Variants in RPS6KB1 observed in about 807,000 individuals in gnomAD.
The protein encoded by RPS6KB1 is ribosomal protein S6 kinase B1.
In RPS6KB1, 12 loss-of-function variants were observed where a neutral mutation model predicts 70.2. The ratio of observed to expected loss-of-function variants is 0.17; its 90% CI spans 0.11 to 0.28. The LOEUF is 0.28. RPS6KB1 is among the 10% of genes least tolerant of loss of function. RPS6KB1 has a pLI of 1.00. For missense variants in RPS6KB1, 270 were observed against 646.6 expected, an observed-to-expected ratio of 0.42 and a Z score of 6.32; for synonymous variants, 175 against 211.2, an observed-to-expected ratio of 0.83 and a Z score of 1.49.
chr17:59,922,155 C>T (rs2043303591), intron 4 of RPS6KB1, among the ~76,000 whole-genome samples: 1 of 151,802 alleles, frequency 6.6e-6, no homozygotes, highest in South Asian at 2.1e-4. Context: ...ATTCTCCTGC[C>T]TCAGCCCCAC....
intron 4 of RPS6KB1, among the ~76,000 whole-genome samples, chr17:59,925,485 A>G (rs2043551877): frequency 6.6e-6 from 1 of 152,138 alleles, no homozygotes; most frequent in African/African-American, 2.4e-5. Flanking sequence ...ATTATGTATT[A>G]GCCTTTCATT....
chr17:59,914,498 G>C (rs1023302488), intron 3 of RPS6KB1, 137 bp from the exon 4 acceptor site: 3 of 712,208 alleles, frequency 4.2e-6, no homozygotes, highest in Non-Finnish European at 7.5e-6. Context: ...AATGTGGTCT[G>C]TTCTTTTAGC....
intron 1 of RPS6KB1, among the ~76,000 whole-genome samples, chr17:59,898,523 G>A (rs927078366): frequency 1.3e-5 from 2 of 151,532 alleles, no homozygotes; most frequent in African/African-American, 4.9e-5. Flanking sequence ...GTGCGATCTC[G>A]GCTCACTGCA....
chr17:59,925,679 A>G (rs1435693055), intron 4 of RPS6KB1, among the ~76,000 whole-genome samples: 2 of 152,058 alleles, frequency 1.3e-5, no homozygotes, highest in Non-Finnish European at 2.9e-5. Flanking sequence ...GCCTTTGCCT[A>G]CTTCTCTAGC....
In RPS6KB1 at chr17:59,948,963, T is replaced by C. The variant is rs1316536306; in HGVS notation, c.*2175T>C. The stretch of plus-strand genomic sequence containing the variant: ...CCTGACCAAATTCCAGTGAAACTTA[T>C]ACACCAAAATATTCTTCCTAGGTCC... On this transcript the variant is annotated 3_prime_UTR_variant, in exon 15 of 15. Coordinates refer to ENST00000225577, the MANE Select transcript of RPS6KB1 (RefSeq NM_003161.4). The C allele has an allele frequency of 6.6e-6, 1 of 152,624 alleles. No individual in the cohort carries two copies. The highest frequency in any genetic ancestry group is 2.4e-5 in the African/African-American group (1 of 41,458). 9.5% of individuals were successfully genotyped at this position (152,624 alleles called of 1,614,324 possible).
chr17:59,919,592 C>T (rs376034833), intron 4 of RPS6KB1, among the ~76,000 whole-genome samples: 2 of 151,858 alleles, frequency 1.3e-5, no homozygotes, highest in South Asian at 4.2e-4. Context: ...GAGATCTTAC[C>T]TCTCAACACG....
intron 4 of RPS6KB1, among the ~76,000 whole-genome samples, chr17:59,922,941 A>G (rs968685202): frequency 6.7e-6 from 1 of 148,364 alleles, no homozygotes; most frequent in African/African-American, 2.5e-5. Context: ...GTCTTGGCTC[A>G]CTGCAACCTC....
Position 59,946,872 on chromosome 17 carries a change from A to T in RPS6KB1, c.*84A>T, listed in dbSNP as rs1402545931. ...ATCCTGCAAGGTGAAACGACTCAAA[A>T]TGACAGTTTCAGAGAGTCAATGTCA... On this transcript the variant is annotated 3_prime_UTR_variant, in exon 15 of 15. Transcript: ENST00000225577. The surrounding 1 kb of genome is among the most constrained non-coding windows in gnomAD (Gnocchi z 4.2). 3 of 1,587,236 alleles carry T rather than the reference A, an allele frequency of 1.9e-6. No homozygotes were observed. The highest frequency in any genetic ancestry group is 2.6e-6 in the Non-Finnish European group (3 of 1,164,188).
At position 59,946,516 on chromosome 17, in the gene RPS6KB1, A is replaced by T; in HGVS notation, c.1341-35A>T. 6.7e-7 allele frequency: 1 copy of T among 1,495,940 alleles called. No individual in the cohort carries two copies. The highest frequency in any genetic ancestry group is 9.3e-7 in the Non-Finnish European group (1 of 1,072,412). 92.7% of individuals were successfully genotyped at this position (1,495,940 alleles called of 1,614,324 possible). On this transcript the variant is annotated intron_variant, in intron 14 of 14. Coordinates refer to ENST00000225577, the MANE Select transcript of RPS6KB1 (RefSeq NM_003161.4). This position sits in a 1 kb window ranked among gnomAD's most constrained non-coding sequence, Gnocchi z 4.2. ...AATATGTCTTGTTGAGATGACCCTTAAGCAAATGAATGATAGCTCTTCCTT... is the reference window on the plus strand; with the variant it reads ...AATATGTCTTGTTGAGATGACCCTTTAGCAAATGAATGATAGCTCTTCCTT...
In RPS6KB1 at chr17:59,947,699, G is replaced by A. The variant is rs1199032249; in HGVS notation, c.*911G>A. The A allele has an allele frequency of 1.4e-5, 10 of 725,496 alleles. No homozygotes were observed. The highest frequency in any genetic ancestry group is 2.5e-5 in the Non-Finnish European group (10 of 403,350). The allele number at this position is 725,496 out of a possible 1,614,324, so 44.9% of individuals were successfully genotyped here. A position where few individuals can be genotyped will look rare whatever the true frequency, so the allele number is the denominator to read the frequency against. The stretch of plus-strand genomic sequence containing the variant: ...GCACTGGAAAAAAAAATCGCCACCT[G>A]TTCTTACACCAGTATTTGGTTCAAG... On this transcript the variant is annotated 3_prime_UTR_variant, in exon 15 of 15. Transcript: ENST00000225577.
chr17:59,947,258 C>T lies in RPS6KB1; in HGVS notation c.*470C>T. On this transcript the variant is annotated 3_prime_UTR_variant, in exon 15 of 15. Transcript: ENST00000225577. ...AAAATGGAAGCAAAGACAAAAGAAA[C>T]TTACCAATTGATGTTTTACGTGCAA... The T allele has an allele frequency of 2.9e-6, 3 of 1,028,672 alleles. No individual in the cohort carries two copies. Among genetic ancestry groups the T allele is most frequent in the Non-Finnish European group, 3.5e-6 (3 of 856,558 alleles). The allele number at this position is 1,028,672 out of a possible 1,614,324, so 63.7% of individuals were successfully genotyped here. A position where few individuals can be genotyped will look rare whatever the true frequency, so the allele number is the denominator to read the frequency against.
At chr17:59,920,524 G>A (rs547357242) in intron 4 of RPS6KB1, among the ~76,000 whole-genome samples, 1 of 152,294 alleles carries the variant, frequency 6.6e-6, no homozygotes, top group East Asian at 1.9e-4. Context: ...AAGCCATCTA[G>A]CTATTCTTCA....
Position 59,893,705 on chromosome 17 carries a change from G to A in RPS6KB1, c.141+380G>A, listed in dbSNP as rs547506452. The A allele has an allele frequency of 1.1e-6, 1 of 888,446 alleles. No individual in the cohort carries two copies. Among genetic ancestry groups the A allele is most frequent in the Non-Finnish European group, 1.4e-6 (1 of 730,124 alleles). The allele number at this position is 888,446 out of a possible 1,614,324, so 55.0% of individuals were successfully genotyped here. On this transcript the variant is annotated intron_variant, in intron 1 of 14. Transcript: ENST00000225577. The surrounding 1 kb of genome is among the most constrained non-coding windows in gnomAD (Gnocchi z 4.1). ...GTCCCGTAAGTGCAGGCGAAGTGTG[G>A]AGGGTTTCCCTTCGAGTCTAGAATT...
intron 4 of RPS6KB1, among the ~76,000 whole-genome samples, chr17:59,922,908 C>G (rs1487481233): frequency 6.7e-6 from 1 of 148,526 alleles, no homozygotes; most frequent in African/African-American, 2.5e-5. Flanking sequence ...ACTCTGGTGC[C>G]CAGGCTGGAG....
At chr17:59,919,681 G>A (rs756199342) in intron 4 of RPS6KB1, among the ~76,000 whole-genome samples, 1 of 150,700 alleles carries the variant, frequency 6.6e-6, no homozygotes, top group Non-Finnish European at 1.5e-5. Flanking sequence ...TTTTTGTCCC[G>A]GGGAATTTAA....
chr17:59,912,777 G>C lies in RPS6KB1; in HGVS notation c.285G>C (p.Arg95=), dbSNP rs2144795551. Reference sequence around the variant, plus strand: ...GACCAGAATGTTTTGAGCTACTTCGGGTACTTGGTAAAGGGGGCTATGGAA... The same window carrying C: ...GACCAGAATGTTTTGAGCTACTTCGCGTACTTGGTAAAGGGGGCTATGGAA... The part of the protein sequence containing the change: ...KIRPECFELL[R]VLGKGGYGKV... Residue 95 remains arginine, a synonymous_variant, in exon 3 of 15, where the codon CGG becomes CGC. Transcript: ENST00000225577. 1 of 1,614,024 alleles carries C rather than the reference G, an allele frequency of 6.2e-7. No homozygotes were observed. The highest frequency in any genetic ancestry group is 8.5e-7 in the Non-Finnish European group (1 of 1,179,992).
Position 59,949,472 on chromosome 17 carries a change from C to G in RPS6KB1, c.*2684C>G, listed in dbSNP as rs1346397304. The G allele has an allele frequency of 2.0e-5, 3 of 152,256 alleles. No individual in the cohort carries two copies. The allele number at this position is 152,256 out of a possible 1,614,324, so 9.4% of individuals were successfully genotyped here. ...TTATTTTCTTTAAAATCAGCTATTA[C>G]AGGATATTTTTTTATTTTATACATG... On this transcript the variant is annotated 3_prime_UTR_variant, in exon 15 of 15. Transcript: ENST00000225577.
intron 1 of RPS6KB1, among the ~76,000 whole-genome samples, chr17:59,908,988 G>C (rs1292587932): frequency 6.8e-6 from 1 of 146,008 alleles, no homozygotes; most frequent in African/African-American, 2.5e-5. Context: ...GTGCAATGGC[G>C]CGATCTCGGC....
intron 13 of RPS6KB1, among the ~76,000 whole-genome samples, chr17:59,942,678 A>G (rs2044680592): frequency 6.6e-6 from 1 of 152,182 alleles, no homozygotes; most frequent in Non-Finnish European, 1.5e-5. Flanking sequence ...ACTATGTAAT[A>G]CAAGTAGTGT....
Sources: allele counts gnomAD v4.1 joint callset (sites outside exome capture counted in the v4.1 genomes callset), GRCh38; gene constraint gnomAD v4.1.1; non-coding constraint Gnocchi (gnomAD v3.1); transcripts MANE v1.5; gene names NCBI Gene and HGNC (gene_info 2026-07-23, HGNC 2026-07-21).